The following ASIC2 variants were observed in gnomAD, a reference collection of about 807,000 sequenced individuals.
ASIC2 encodes acid-sensing ion channel 2.
ASIC2 carries 25 observed loss-of-function variants against 57.3 expected under a neutral mutation model. The observed-to-expected ratio is 0.44, with a 90% confidence interval of 0.32 to 0.61. The LOEUF (loss-of-function observed/expected upper bound fraction) is 0.61. Ranked by LOEUF, ASIC2 falls within the 20% of genes least tolerant of loss-of-function variation. The pLI is 0.06. For missense variants in ASIC2, 641 were observed against 738.1 expected (o/e 0.87, Z 1.52); for synonymous variants, 319 against 307.5 (o/e 1.04, Z -0.39).
rs181384366 is a variant in ASIC2, at chr17:34,054,029, C to G, written c.555+101949G>C. On this transcript the variant is annotated intron_variant, in intron 1 of 9. Transcript: ENST00000359872. The stretch of plus-strand genomic sequence containing the variant: ...GCAAAGGACTCAGACCAGAGCAGAC[C>G]TTGTAGAGTGGGAGTCATAAGTACC... 5.9e-5 allele frequency among the ~76,000 whole-genome samples: 9 copies of G among 152,306 alleles called. No homozygotes were observed. In the East Asian group the frequency reaches 1.7e-3, roughly 29 times the overall value.
rs192635877 is a variant in ASIC2, at chr17:33,485,574, G to T, written c.556-373507C>A. 2.6e-3 allele frequency among the ~76,000 whole-genome samples: 389 copies of T among 152,206 alleles called. 1 individual carries two copies. The highest frequency in any genetic ancestry group is 4.5e-3 in the Non-Finnish European group (307 of 68,016). ...GATGCTGACACAATCATTTCCTTTA[G>T]GCCACTCCATCTTTCTTCACAGCCA... On this transcript the variant is annotated intron_variant, in intron 1 of 9. Transcript: ENST00000359872.
Position 33,291,423 on chromosome 17 carries a change from C to G in ASIC2, c.693G>C (p.Pro231=), listed in dbSNP as rs745476399. 3 of 1,599,986 alleles carry G rather than the reference C, an allele frequency of 1.9e-6. No individual in the cohort carries two copies. In the African/African-American group the frequency reaches 4.0e-5, roughly 21 times the overall value. The change falls in exon 1 of 10, where the codon CCG becomes CCC. Residue 231 remains proline, a synonymous_variant. Coordinates refer to ENST00000225823, the MANE Select transcript of ASIC2 (RefSeq NM_183377.2). ...GGCAACTCACGGAGGAGAAGTTGTG[C>G]GGCCCGCAGAGCTCGCCGCGGTACT... ...SCKYRGELCG[P]HNFSSVFTKY...
intron 1 of ASIC2, among the ~76,000 whole-genome samples, chr17:33,960,875 G>A (rs117069876): frequency 0.029 from 4,410 of 152,198 alleles, 96 homozygotes; most frequent in Middle Eastern, 0.065. Flanking sequence ...ATAAGGCCCC[G>A]CGAGAGTCAG....
In ASIC2 at chr17:33,612,479, AT is replaced by A. The variant is rs554729737; in HGVS notation, c.556-500413del. Among the ~76,000 whole-genome samples the A allele has an allele frequency of 2.6e-4, 39 of 152,264 alleles. 2 individuals are homozygous for A. In the South Asian group the frequency reaches 7.5e-3, roughly 29 times the overall value. On this transcript the variant is annotated intron_variant, in intron 1 of 9. Coordinates refer to the ASIC2 transcript ENST00000359872. ...CAAGGATTCTTTTCATGCTCTACAC[AT>A]TTTGTCACATTGAGAGGTACCTATT...
At chr17:34,076,807 C>T (rs1312816551) in intron 1 of ASIC2, among the ~76,000 whole-genome samples, 2 of 152,170 alleles carry the variant, frequency 1.3e-5, no homozygotes, top group Admixed American at 6.5e-5. Context: ...CCTTCAACAA[C>T]CTTGTATTAT....
At chr17:34,082,516 C>CCTTGGA (rs1909926042) in intron 1 of ASIC2, among the ~76,000 whole-genome samples, 1 of 152,192 alleles carries the variant, frequency 6.6e-6, no homozygotes, top group Admixed American at 6.5e-5. Flanking sequence ...CACTGCATTG[C>CCTTGGA]CTGTTTTTTG....
At chr17:34,142,605 T>C (rs1310585622) in intron 1 of ASIC2, among the ~76,000 whole-genome samples, 1 of 152,176 alleles carries the variant, frequency 6.6e-6, no homozygotes, top group African/African-American at 2.4e-5. Flanking sequence ...ATAAATAGTC[T>C]CTCTCCAGAG....
At chr17:33,897,472 T>C (rs2637348) in intron 1 of ASIC2, among the ~76,000 whole-genome samples, 103,613 of 152,146 alleles carry the variant, frequency 0.68, 35,318 homozygotes, top group Non-Finnish European at 0.69. Context: ...TATATGGTGG[T>C]ATACAACAAA....
intron 3 of ASIC2, among the ~76,000 whole-genome samples, chr17:33,030,902 T>C (rs1944221752): frequency 6.6e-6 from 1 of 152,174 alleles, no homozygotes; most frequent in African/African-American, 2.4e-5. Flanking sequence ...TGTTGCTCTA[T>C]TCAATTTGCT....
At chr17:33,574,123 C>T (rs12451588) in intron 1 of ASIC2, among the ~76,000 whole-genome samples, 3 of 152,148 alleles carry the variant, frequency 2.0e-5, no homozygotes, top group Admixed American at 2.0e-4. Context: ...TTTGACTTAA[C>T]TAAATAATAC....
At chr17:33,503,129 C>T (rs564770840) in intron 1 of ASIC2, among the ~76,000 whole-genome samples, 85 of 152,154 alleles carry the variant, frequency 5.6e-4, no homozygotes, top group Middle Eastern at 3.4e-3. Flanking sequence ...AGACAATGGG[C>T]GTGGAAGTGA....
At chr17:33,448,589 C>T (rs1435296428) in intron 1 of ASIC2, among the ~76,000 whole-genome samples, 2 of 152,122 alleles carry the variant, frequency 1.3e-5, no homozygotes, top group African/African-American at 4.8e-5. Context: ...TGGCAGCTGC[C>T]AGAAGTTGGA....
intron 1 of ASIC2, among the ~76,000 whole-genome samples, chr17:33,836,805 ATC>A (rs1401385104): frequency 1.3e-5 from 2 of 152,264 alleles, no homozygotes; most frequent in East Asian, 3.9e-4. Context: ...GTAAGCCAAG[ATC>A]ACACCACTGA....
At chr17:33,682,413 T>C (rs3103654) in intron 1 of ASIC2, among the ~76,000 whole-genome samples, 2,102 of 152,224 alleles carry the variant, frequency 0.014, 20 homozygotes, top group South Asian at 0.033. Context: ...TAGGAGAGGA[T>C]GAGCTCCATT....
At chr17:33,206,363 C>T (rs142306941) in intron 1 of ASIC2, among the ~76,000 whole-genome samples, 1 of 152,116 alleles carries the variant, frequency 6.6e-6, no homozygotes, top group Non-Finnish European at 1.5e-5. Flanking sequence ...CCTTTTCAGT[C>T]TTCCTAAAAT....
chr17:33,780,082 T>C (rs927311007), intron 1 of ASIC2, among the ~76,000 whole-genome samples: 1 of 150,182 alleles, frequency 6.7e-6, no homozygotes, highest in Non-Finnish European at 1.5e-5. Context: ...GCAATTCTCC[T>C]TCCTCAGCCT....
chr17:33,642,217 CCCCCA>C (rs999865692), intron 1 of ASIC2, among the ~76,000 whole-genome samples: 22 of 150,446 alleles, frequency 1.5e-4, no homozygotes, highest in African/African-American at 5.4e-4. Flanking sequence ...ACCCCCCCCC[CCCCCA>C]CACACAATGG....
chr17:33,289,644 T>G (rs770414135), intron 1 of ASIC2, among the ~76,000 whole-genome samples: 142 of 152,212 alleles, frequency 9.3e-4, no homozygotes, highest in Non-Finnish European at 1.7e-3. Context: ...GCTCTGAGCA[T>G]TGGACAGCTT....
intron 1 of ASIC2, among the ~76,000 whole-genome samples, chr17:33,807,527 GGA>G (rs1912302061): frequency 6.6e-6 from 1 of 152,042 alleles, no homozygotes; most frequent in Non-Finnish European, 1.5e-5. Context: ...CCTACCAGAG[GGA>G]GTAATTCAGG....
Sources: gnomAD v4.1 joint callset for allele counts (sites outside exome capture counted in the v4.1 genomes callset) on GRCh38, gnomAD v4.1.1 for gene constraint, MANE v1.5 for transcripts, NCBI Gene and HGNC (gene_info 2026-07-23, HGNC 2026-07-21) for gene names.